Variants in NUP214 observed in about 807,000 individuals in gnomAD.
NUP214 encodes the protein nuclear pore complex protein Nup214.
A neutral mutation model predicts 196.2 loss-of-function variants in NUP214; 79 were observed. That is an observed-to-expected ratio of 0.40 (90% confidence interval 0.34 to 0.49). The LOEUF is 0.49. Ranked by LOEUF, NUP214 falls within the 20% of genes least tolerant of loss-of-function variation. The probability of loss-of-function intolerance (pLI) is 0.58; values close to 1 mark genes in which losing one functional copy is unlikely to be tolerated. For synonymous variants in NUP214, 1,020 were observed against 990.5 expected (o/e 1.03, Z -0.56); for missense variants, 2,468 against 2,539.0 (o/e 0.97, Z 0.60).
chr9:131,175,566 C>T lies in NUP214; in HGVS notation c.3264C>T (p.Ala1088=). ...GAPSPSHPIS[A]PQAAAAAALR... ...CTAGTCCTTCCCACCCCATCTCAGCCCCGCAGGCAGCTGCCGCAGCAGCAC... is the reference window on the plus strand; with the variant it reads ...CTAGTCCTTCCCACCCCATCTCAGCTCCGCAGGCAGCTGCCGCAGCAGCAC... The change falls in exon 23 of 36, where the codon GCC becomes GCT. Residue 1088 remains alanine, a synonymous_variant. Transcript: ENST00000359428. 6.2e-7 allele frequency: 1 copy of T among 1,614,186 alleles called. No individual in the cohort carries two copies. Among genetic ancestry groups the T allele is most frequent in the South Asian group, 1.1e-5 (1 of 91,088 alleles).
At chr9:131,207,168 G>T (rs974720677) in intron 30 of NUP214, among the ~76,000 whole-genome samples, 9 of 152,204 alleles carry the variant, frequency 5.9e-5, no homozygotes, top group African/African-American at 2.2e-4. Context: ...AGATGATGTA[G>T]AAGTCACACT....
At chr9:131,179,818 C>T (rs1439423544) in intron 24 of NUP214, among the ~76,000 whole-genome samples, 1 of 152,186 alleles carries the variant, frequency 6.6e-6, no homozygotes, top group East Asian at 1.9e-4. Context: ...ACCTCGGAGC[C>T]TTGGTATGCT....
At chr9:131,134,310 G>A (rs920575514) in intron 7 of NUP214, among the ~76,000 whole-genome samples, 1 of 152,184 alleles carries the variant, frequency 6.6e-6, no homozygotes, top group Non-Finnish European at 1.5e-5. Context: ...GAGTGATGGA[G>A]AAAATAAAGC....
Position 131,189,053 on chromosome 9 carries a change from G to A in NUP214, c.3496G>A (p.Gly1166Arg), listed in dbSNP as rs1833529144. The A allele has an allele frequency of 6.2e-7, 1 of 1,611,380 alleles. No homozygotes were observed. The highest frequency in any genetic ancestry group is 2.2e-5 in the East Asian group (1 of 44,850). The change falls in exon 26 of 36, where the codon GGG becomes AGG. Residue 1166 changes from glycine (G) to arginine (R), a missense_variant and splice_region_variant. Physicochemically the swap from Gly to Arg is moderately radical, Grantham distance 125. Coordinates refer to ENST00000359428, the MANE Select transcript of NUP214 (RefSeq NM_005085.4). Reference protein sequence around the residue: ...TPVAANQAKQGSLINSLKPSG... With the variant: ...TPVAANQAKQRSLINSLKPSG... ...ACATTTTGCTTGCATTCTGTTATAG[G>A]GGTCTCTAATAAATTCCCTTAAGCC...
chr9:131,129,256 C>T (rs777763110), intron 3 of NUP214, 23 bp from the exon 4 acceptor site: 2 of 1,600,414 alleles, frequency 1.2e-6, no homozygotes, highest in Admixed American at 1.7e-5. Context: ...ACTTATTTCA[C>T]TTTTGCATAT....
At chr9:131,208,960 C>T (rs1834159964) in intron 30 of NUP214, among the ~76,000 whole-genome samples, 1 of 151,672 alleles carries the variant, frequency 6.6e-6, no homozygotes, top group Non-Finnish European at 1.5e-5. Flanking sequence ...TTGCAGTGAG[C>T]CGAGATCACG....
intron 32 of NUP214, among the ~76,000 whole-genome samples, chr9:131,226,038 G>T: frequency 6.6e-6 from 1 of 152,130 alleles, no homozygotes; most frequent in Admixed American, 6.6e-5. Flanking sequence ...GAAGATGAGA[G>T]GTGGGCGTTT....
intron 27 of NUP214, among the ~76,000 whole-genome samples, chr9:131,193,157 C>T (rs1833660780): frequency 6.6e-6 from 1 of 151,914 alleles, no homozygotes; most frequent in South Asian, 2.1e-4. Context: ...TCTTCTATAC[C>T]TTATCTCAAG....
At chr9:131,211,749 G>A (rs1472315045) in intron 30 of NUP214, among the ~76,000 whole-genome samples, 1 of 152,160 alleles carries the variant, frequency 6.6e-6, no homozygotes, top group Non-Finnish European at 1.5e-5. Context: ...TCCTATGCCT[G>A]TCTTTACTTT....
At chr9:131,222,736 AT>A (rs764925056) in intron 31 of NUP214, 41 bp from the exon 32 acceptor site, 47 of 1,591,116 alleles carry the variant, frequency 3.0e-5, no homozygotes, top group Non-Finnish European at 3.9e-5. Context: ...AGGTAAGGAC[AT>A]TTGTCTCCCT....
chr9:131,170,647 T>G (rs1214911455), intron 21 of NUP214, among the ~76,000 whole-genome samples: 1 of 152,188 alleles, frequency 6.6e-6, no homozygotes, highest in African/African-American at 2.4e-5. Context: ...CATTGATTTA[T>G]GTGTATTTAC....
At position 131,130,161 on chromosome 9, in the gene NUP214, T is replaced by TTTTTTTG. The variant is rs1554728091; in HGVS notation, c.593-605_593-604insTTTTTTG. ...TGTTTTTTTTTTTTTGTTTTTTTTT[T>TTTTTTTG]GAGACAGAGTCTTGCTCTGTCGCCC... On this transcript the variant is annotated intron_variant, in intron 4 of 35. Transcript: ENST00000359428. 3.9e-4 allele frequency among the ~76,000 whole-genome samples: 53 copies of TTTTTTTG among 136,472 alleles called. 2 individuals carry two copies. Among genetic ancestry groups the TTTTTTTG allele is most frequent in the Non-Finnish European group, 6.9e-4 (43 of 62,616 alleles). 89.5% of individuals were successfully genotyped at this position (136,472 alleles called of 152,430 possible).
At chr9:131,209,180 C>T (rs1834166797) in intron 30 of NUP214, among the ~76,000 whole-genome samples, 1 of 151,938 alleles carries the variant, frequency 6.6e-6, no homozygotes, top group Non-Finnish European at 1.5e-5. Flanking sequence ...TGAGACTAGC[C>T]TGGGCAACAT....
At chr9:131,129,596 G>T in intron 4 of NUP214, 119 bp downstream of exon 4, 1 of 957,754 alleles carries the variant, frequency 1.0e-6, no homozygotes, top group Non-Finnish European at 1.6e-6. Flanking sequence ...CATGACGAGG[G>T]AGGTTAAGGA....
rs774291534 is a variant in NUP214 at position 131,197,445 on chromosome 9, G to A, written c.3951G>A (p.Leu1317=). ...AGCTGGAAACCCCACCGTCCAAGCT[G>A]GGAGAGCTTCTGTTTCCAAGTTCTT... The part of the protein sequence containing the change: ...SSKLETPPSK[L]GELLFPSSLA... The change falls in exon 29 of 36, where the codon CTG becomes CTA. Residue 1317 remains leucine, a synonymous_variant. Coordinates refer to ENST00000359428, the MANE Select transcript of NUP214 (RefSeq NM_005085.4). 1.2e-6 allele frequency: 2 copies of A among 1,614,182 alleles called. No homozygotes were observed. Among genetic ancestry groups the A allele is most frequent in the Admixed American group, 1.7e-5 (1 of 60,020 alleles).
chr9:131,226,428 A>G (rs1182894279), intron 32 of NUP214, among the ~76,000 whole-genome samples: 2 of 151,824 alleles, frequency 1.3e-5, no homozygotes, highest in African/African-American at 2.4e-5. Flanking sequence ...CTCTCTGTGT[A>G]TATTTAACCG....
chr9:131,161,664 G>A (rs1225865263), intron 18 of NUP214, among the ~76,000 whole-genome samples: 1 of 152,190 alleles, frequency 6.6e-6, no homozygotes, highest in Admixed American at 6.5e-5. Flanking sequence ...AATAAATCCA[G>A]AGGTTTCTGT....
At chr9:131,188,139 A>G (rs1342764763) in intron 25 of NUP214, among the ~76,000 whole-genome samples, 5 of 152,124 alleles carry the variant, frequency 3.3e-5, no homozygotes, top group East Asian at 3.9e-4. Context: ...CCTCCTGTCC[A>G]TTGCTCGTTT....
chr9:131,137,437 A>T (rs1481023600), intron 9 of NUP214, among the ~76,000 whole-genome samples: 2 of 152,116 alleles, frequency 1.3e-5, no homozygotes, highest in Non-Finnish European at 2.9e-5. Flanking sequence ...TCTAGCTCAC[A>T]CATGGCCCCC....
Sources: allele counts gnomAD v4.1 joint callset (sites outside exome capture counted in the v4.1 genomes callset), GRCh38; gene constraint gnomAD v4.1.1; transcripts MANE v1.5; gene names NCBI Gene and HGNC (gene_info 2026-07-23, HGNC 2026-07-21).